SHANK1: variants seen among roughly 807,000 people sequenced by gnomAD.
The protein encoded by SHANK1 is SH3 and multiple ankyrin repeat domains 1.
SHANK1 carries 35 observed loss-of-function variants against 165.6 expected under a neutral mutation model. The ratio of observed to expected loss-of-function variants is 0.21; its 90% CI spans 0.16 to 0.28. The LOEUF (loss-of-function observed/expected upper bound fraction) is 0.28, where lower values mean the gene tolerates loss of function less well. Among genes scored for constraint, SHANK1 ranks in the 10% least tolerant of loss-of-function variants. The probability of loss-of-function intolerance (pLI) is 1.00; values close to 1 mark genes in which losing one functional copy is unlikely to be tolerated. For missense variants in SHANK1, 2,681 were observed against 3,036.4 expected (o/e 0.88, Z 2.75); for synonymous variants, 1,428 against 1,384.8 (o/e 1.03, Z -0.69).
In SHANK1 at chr19:50,685,318, G is replaced by A. The variant is rs145886252; in HGVS notation, c.2577+919C>T. On this transcript the variant is annotated intron_variant, in intron 21 of 23. Coordinates refer to ENST00000293441, the MANE Select transcript of SHANK1 (RefSeq NM_016148.5). The stretch of plus-strand genomic sequence containing the variant: ...GGACCATGGGTTCAGAGGGCTGCCT[G>A]CCTGGGTTAAAATCCCCCCTCCTTC... Among the ~76,000 whole-genome samples, 745 of 152,320 alleles carry A rather than the reference G, an allele frequency of 4.9e-3. 9 individuals are homozygous for A. Among genetic ancestry groups the A allele is most frequent in the African/African-American group, 0.017 (721 of 41,566 alleles).
intron 21 of SHANK1, among the ~76,000 whole-genome samples, chr19:50,682,969 G>T (rs1205504014): frequency 6.6e-6 from 1 of 152,094 alleles, no homozygotes; most frequent in Admixed American, 6.6e-5. Context: ...AGGACTACAG[G>T]TGCATGCCAC....
rs768294073 is a variant in SHANK1, at chr19:50,661,937, G to A, written c.*28C>T. On this transcript the variant is annotated 3_prime_UTR_variant, in exon 24 of 24. Transcript: ENST00000293441. ...GGCCAGCAGGCTCAAGAGTTCTGTGGACGGGGCTGGTCCGTCCAGGCCAGC... is the reference window on the plus strand; with the variant it reads ...GGCCAGCAGGCTCAAGAGTTCTGTGAACGGGGCTGGTCCGTCCAGGCCAGC... 6.2e-7 allele frequency: 1 copy of A among 1,612,328 alleles called. No individual in the cohort carries two copies. The highest frequency in any genetic ancestry group is 1.1e-5 in the South Asian group (1 of 91,002).
In SHANK1 at chr19:50,659,273, T is replaced by A; in HGVS notation, c.*2692A>T. ...GGCCGGCTCGAGGGGGTGGATACTG[T>A]GAGTTTAATTATAAAGAATGACCTG... On this transcript the variant is annotated 3_prime_UTR_variant, in exon 24 of 24. Coordinates refer to ENST00000293441, the MANE Select transcript of SHANK1 (RefSeq NM_016148.5). 1 of 679,358 alleles carries A rather than the reference T, an allele frequency of 1.5e-6. No homozygotes were observed. The highest frequency in any genetic ancestry group is 2.1e-6 in the Non-Finnish European group (1 of 479,560). 42.1% of individuals were successfully genotyped at this position (679,358 alleles called of 1,614,324 possible). A position where few individuals can be genotyped will look rare whatever the true frequency, so the allele number is the denominator to read the frequency against.
At chr19:50,691,284 A>C (rs978355048) in intron 15 of SHANK1, among the ~76,000 whole-genome samples, 13 of 152,134 alleles carry the variant, frequency 8.5e-5, no homozygotes, top group African/African-American at 2.9e-4. Flanking sequence ...CCTGTTTCTA[A>C]CCATGCATTC....
intron 7 of SHANK1, 49 bp from the exon 8 acceptor site, chr19:50,711,536 C>T: frequency 7.4e-7 from 1 of 1,357,692 alleles, no homozygotes; most frequent in Non-Finnish European, 1.0e-6. Flanking sequence ...AGGCTGTTCT[C>T]CCTCTGGGCC....
At chr19:50,714,391 A>T (rs910705575) in intron 4 of SHANK1, 101 bp from the exon 5 acceptor site, 4 of 948,844 alleles carry the variant, frequency 4.2e-6, no homozygotes, top group Non-Finnish European at 6.4e-6. Flanking sequence ...ACGTGGAGTC[A>T]CATACGCCAT....
chr19:50,672,555 C>CAAAAAAAAAAAA (rs3987747), intron 21 of SHANK1, among the ~76,000 whole-genome samples: 114 of 35,432 alleles, frequency 3.2e-3, no homozygotes, highest in African/African-American at 5.6e-3. Flanking sequence ...GACTCTGTCT[C>CAAAAAAAAAAAA]AAAAAAAAAA....
At chr19:50,714,658 T>C (rs2089049760) in intron 4 of SHANK1, among the ~76,000 whole-genome samples, 1 of 136,556 alleles carries the variant, frequency 7.3e-6, no homozygotes, top group African/African-American at 2.8e-5. Context: ...ATTGCACCAC[T>C]GCAGCCCGGG....
rs1184328589 is a variant in SHANK1, at chr19:50,668,573, C to A, written c.3387G>T (p.Ala1129=). The change falls in exon 23 of 24, where the codon GCG becomes GCT. Residue 1129 remains alanine (A), a synonymous_variant. Coordinates refer to ENST00000293441, the MANE Select transcript of SHANK1 (RefSeq NM_016148.5). ...GGGAGGCCGGGGACGTGGGCGACGG[C>A]GCGGGCGGGAGGCCGCCGCCCTTCT... ...EPQKGGGLPP[A]PSPTSPASPQ... 7.5e-7 allele frequency: 1 copy of A among 1,337,120 alleles called. No individual in the cohort carries two copies. The highest frequency in any genetic ancestry group is 9.6e-7 in the Non-Finnish European group (1 of 1,042,768). 82.8% of individuals were successfully genotyped at this position (1,337,120 alleles called of 1,614,324 possible).
Position 50,703,605 on chromosome 19 carries a change from C to T in SHANK1, c.1448G>A (p.Ser483Asn). 6.4e-7 allele frequency: 1 copy of T among 1,558,784 alleles called. No individual in the cohort carries two copies. The highest frequency in any genetic ancestry group is 8.7e-7 in the Non-Finnish European group (1 of 1,154,872). The change falls in exon 11 of 24, where the codon AGC (serine) becomes AAC (asparagine). Residue 483 changes from serine to asparagine, a missense_variant. By Grantham distance (46) the Ser-to-Asn change is conservative. Coordinates refer to ENST00000293441, the MANE Select transcript of SHANK1 (RefSeq NM_016148.5). ...QPSAPTTKLS[S>N]GTLRSASSPR... ...GCTGCTGGCACTTCGGAGGGTCCCG[C>T]TGCTGAGCTTGGTGGTGGGGGCCGA...
Position 50,667,206 on chromosome 19 carries a change from G to A in SHANK1, c.4754C>T (p.Thr1585Met). 1.0e-5 allele frequency: 16 copies of A among 1,577,688 alleles called. No individual in the cohort carries two copies. The highest frequency in any genetic ancestry group is 1.4e-5 in the Non-Finnish European group (16 of 1,169,436). The change falls in exon 23 of 24, where the codon ACG becomes ATG. Residue 1585 changes from threonine (T) to methionine (M), a missense_variant. Thr to Met is a moderately conservative substitution (Grantham distance 81). This residue lies in a region of SHANK1 where 1,713 missense variants were observed against 1,630.2 expected (regional missense o/e 1.05). Coordinates refer to ENST00000293441, the MANE Select transcript of SHANK1 (RefSeq NM_016148.5). The surrounding 1 kb of genome is among the most constrained non-coding windows in gnomAD (Gnocchi z 5.7). Reference sequence around the variant, plus strand: ...GGGCAGCGGGTGGGGAGGCCCAGGCGTGAGGGGCGACTCTGGCTTTTCGAA... The same window carrying A: ...GGGCAGCGGGTGGGGAGGCCCAGGCATGAGGGGCGACTCTGGCTTTTCGAA... ...NSFEKPESPL[T>M]PGPPHPLPDT... is the part of the protein sequence containing the mutation.
At chr19:50,676,584 C>A (rs139724105) in intron 21 of SHANK1, among the ~76,000 whole-genome samples, 1 of 152,070 alleles carries the variant, frequency 6.6e-6, no homozygotes, top group African/African-American at 2.4e-5. Flanking sequence ...TTTCAGATTT[C>A]GGCTCCAAGG....
At chr19:50,671,984 C>T in intron 22 of SHANK1, 34 bp downstream of exon 22, 2 of 1,526,044 alleles carry the variant, frequency 1.3e-6, no homozygotes, top group South Asian at 2.3e-5. Flanking sequence ...CTGGCCTCCC[C>T]CAGCCCCCAC....
intron 8 of SHANK1, 29 bp downstream of exon 8, chr19:50,711,342 G>A (rs1352874748): frequency 1.3e-6 from 2 of 1,498,682 alleles, no homozygotes; most frequent in South Asian, 1.2e-5. Flanking sequence ...GGGATGTGAG[G>A]GGCCTGGGGT....
At position 50,702,720 on chromosome 19, in the gene SHANK1, G is replaced by T; in HGVS notation, c.1554-60C>A. The T allele has an allele frequency of 2.7e-6, 3 of 1,111,620 alleles. No homozygotes were observed. Among genetic ancestry groups the T allele is most frequent in the Non-Finnish European group, 3.8e-6 (3 of 793,374 alleles). The allele number at this position is 1,111,620 out of a possible 1,614,324, so 68.9% of individuals were successfully genotyped here. A position where few individuals can be genotyped will look rare whatever the true frequency, so the allele number is the denominator to read the frequency against. ...TGGAGGGAGGGGACACCTCTGGGAG[G>T]ACAGGGGTCCTTGGGTGGGGGAAGA... On this transcript the variant is annotated intron_variant, in intron 11 of 23. Coordinates refer to ENST00000293441, the MANE Select transcript of SHANK1 (RefSeq NM_016148.5). This position sits in a 1 kb window ranked among gnomAD's most constrained non-coding sequence, Gnocchi z 5.3.
At chr19:50,712,597 C>T (rs2089021386) in intron 6 of SHANK1, among the ~76,000 whole-genome samples, 2 of 152,214 alleles carry the variant, frequency 1.3e-5, no homozygotes, top group Admixed American at 6.5e-5. Flanking sequence ...GGGCAAGGAT[C>T]GGGCCGGCCT....
At chr19:50,707,157 C>G (rs527796021) in intron 8 of SHANK1, among the ~76,000 whole-genome samples, 2 of 152,150 alleles carry the variant, frequency 1.3e-5, no homozygotes, top group African/African-American at 4.8e-5. Context: ...CTTCGTAACC[C>G]CGTCTCACTG....
chr19:50,703,345 A>G (rs1316247873), intron 11 of SHANK1, among the ~76,000 whole-genome samples, 155 bp downstream of exon 11: 1 of 152,028 alleles, frequency 6.6e-6, no homozygotes, highest in East Asian at 1.9e-4. Context: ...TCGGGACAGT[A>G]GCTCCCAAGG....
At position 50,668,306 on chromosome 19, in the gene SHANK1, G is replaced by C; in HGVS notation, c.3654C>G (p.Ala1218=). ...PPSPSPVPTP[A]SPSGPATLDF... is the part of the protein sequence containing the mutation. ...CCAGCGTGGCCGGGCCGCTGGGCGA[G>C]GCGGGGGTGGGCACGGGCGAGGGGG... Residue 1218 remains alanine (A), a synonymous_variant, in exon 23 of 24, where the codon GCC becomes GCG. Coordinates refer to ENST00000293441, the MANE Select transcript of SHANK1 (RefSeq NM_016148.5). 1 of 1,289,946 alleles carries C rather than the reference G, an allele frequency of 7.8e-7. No homozygotes were observed. The highest frequency in any genetic ancestry group is 9.8e-7 in the Non-Finnish European group (1 of 1,023,052). The allele number at this position is 1,289,946 out of a possible 1,614,324, so 79.9% of individuals were successfully genotyped here.
Sources: gnomAD v4.1 joint callset for allele counts (sites outside exome capture counted in the v4.1 genomes callset) on GRCh38, gnomAD v4.1.1 for gene constraint, gnomAD v4.1.1 regional missense constraint, Gnocchi (gnomAD v3.1) non-coding constraint, MANE v1.5 for transcripts, NCBI Gene and HGNC (gene_info 2026-07-23, HGNC 2026-07-21) for gene names.